The following SETD5 variants were observed in gnomAD, a reference collection of about 807,000 sequenced individuals.
The protein encoded by SETD5 is SET domain containing 5.
Under a neutral mutation model 153.3 loss-of-function variants are expected in SETD5, and 44 were observed. The observed-to-expected ratio is 0.29, with a 90% CI of 0.23 to 0.37. The LOEUF (loss-of-function observed/expected upper bound fraction) is 0.37, where lower values mean the gene tolerates loss of function less well. Among genes scored for constraint, SETD5 ranks in the 10% least tolerant of loss-of-function variants. The pLI is 1.00. For missense variants in SETD5, 1,544 were observed against 1,768.0 expected (o/e 0.87, Z 2.27); for synonymous variants, 716 against 645.2 (o/e 1.11, Z -1.66).
chr3:9,459,204 G>A (rs1239300106), intron 17 of SETD5, among the ~76,000 whole-genome samples: 1 of 152,072 alleles, frequency 6.6e-6, no homozygotes, highest in Non-Finnish European at 1.5e-5. Context: ...TTCAGAAGTT[G>A]AATGAATTGT....
At chr3:9,431,430 A>G (rs560695191) in intron 3 of SETD5, 104 of 965,420 alleles carry the variant, frequency 1.1e-4, no homozygotes, top group Admixed American at 1.8e-4. Flanking sequence ...ATGTAATTCC[A>G]TTATTCCAAA....
In SETD5 at chr3:9,442,140, T is replaced by C; in HGVS notation, c.972T>C (p.Phe324=). The change falls in exon 10 of 23, where the codon TTT becomes TTC. Residue 324 remains phenylalanine (F), a synonymous_variant. Coordinates refer to ENST00000402198, the MANE Select transcript of SETD5 (RefSeq NM_001080517.3). The part of the protein sequence containing the change: ...NGHFFKKPYP[F]VLFYSKFNGV... The stretch of plus-strand genomic sequence containing the variant: ...ATTGTATCCCTAGACCATACCCCTT[T>C]GTGCTCTTCTACTCAAAATTCAATG... 1 of 1,610,782 alleles carries C rather than the reference T, an allele frequency of 6.2e-7. No individual in the cohort carries two copies. The highest frequency in any genetic ancestry group is 1.3e-5 in the African/African-American group (1 of 75,018).
At chr3:9,468,234 C>T (rs2044853489) in intron 18 of SETD5, among the ~76,000 whole-genome samples, 1 of 152,052 alleles carries the variant, frequency 6.6e-6, no homozygotes, top group Non-Finnish European at 1.5e-5. Context: ...TTTCACCAGT[C>T]TAACTCTTTC....
Position 9,446,569 on chromosome 3 carries a change from C to T in SETD5, c.1525-481C>T, listed in dbSNP as rs1316342760. Among the ~76,000 whole-genome samples the T allele has an allele frequency of 2.0e-5, 3 of 151,642 alleles. No individual in the cohort carries two copies. The East Asian group carries it at 5.9e-4, about 30-fold the overall frequency. ...GTGCAGTGGCGCAATCTCAACTCAC[C>T]ACAATCTCTGCCTCCCGGGTTCAAG... On this transcript the variant is annotated intron_variant, in intron 13 of 22. Transcript: ENST00000402198.
intron 1 of SETD5, among the ~76,000 whole-genome samples, chr3:9,403,912 G>A (rs1020320424): frequency 6.6e-6 from 1 of 152,192 alleles, no homozygotes; most frequent in Non-Finnish European, 1.5e-5. Flanking sequence ...AATGTTTTGC[G>A]TCAGTTCTTT....
rs1186127024 is a variant in SETD5 at position 9,476,235 on chromosome 3, C to CT, written c.*146dup. 3 of 1,172,338 alleles carry CT rather than the reference C, an allele frequency of 2.6e-6. No homozygotes were observed. In the Admixed American group the frequency reaches 8.6e-5, roughly 34 times the overall value. The allele number at this position is 1,172,338 out of a possible 1,614,324, so 72.6% of individuals were successfully genotyped here. A position where few individuals can be genotyped will look rare whatever the true frequency, so the allele number is the denominator to read the frequency against. On this transcript the variant is annotated 3_prime_UTR_variant, in exon 23 of 23. Transcript: ENST00000402198. ...TGGGTCTGGTGGACAAGAAACAAGA[C>CT]TTGTGGTCACAATTGGCCTCTGGCC...
At chr3:9,464,824 G>T (rs1263921652) in intron 18 of SETD5, 152 bp downstream of exon 18, 41 of 1,240,554 alleles carry the variant, frequency 3.3e-5, no homozygotes, top group Non-Finnish European at 4.6e-5. Context: ...ATTGTGGCCT[G>T]TTACCTGGTA....
At chr3:9,456,372 G>A (rs1219350272) in intron 17 of SETD5, among the ~76,000 whole-genome samples, 1 of 151,914 alleles carries the variant, frequency 6.6e-6, no homozygotes, top group Non-Finnish European at 1.5e-5. Context: ...TATTTGGGAG[G>A]CTGAGGCAGG....
intron 1 of SETD5, among the ~76,000 whole-genome samples, chr3:9,417,779 C>A (rs1204663530): frequency 6.6e-6 from 1 of 151,096 alleles, no homozygotes; most frequent in Non-Finnish European, 1.5e-5. Context: ...TCCACTGCGC[C>A]TGGCCAAGTC....
At chr3:9,399,072 A>G (rs565853591) in intron 1 of SETD5, among the ~76,000 whole-genome samples, 2 of 152,318 alleles carry the variant, frequency 1.3e-5, no homozygotes, top group South Asian at 4.1e-4. Flanking sequence ...TCCTTCCTGC[A>G]CATAGGTACT....
chr3:9,439,728 G>C (rs192114158), intron 7 of SETD5, among the ~76,000 whole-genome samples: 1 of 152,280 alleles, frequency 6.6e-6, no homozygotes, highest in Admixed American at 6.5e-5. Context: ...TCCTAGAGGA[G>C]TATAGCAAAG....
chr3:9,418,578 A>G (rs1427789817), intron 1 of SETD5, among the ~76,000 whole-genome samples: 1 of 152,018 alleles, frequency 6.6e-6, no homozygotes, highest in Admixed American at 6.5e-5. Context: ...TGAAGCAGGC[A>G]GATCACCTGA....
chr3:9,465,455 A>G (rs1162708775), intron 18 of SETD5, among the ~76,000 whole-genome samples: 1 of 152,166 alleles, frequency 6.6e-6, no homozygotes, highest in South Asian at 2.1e-4. Context: ...TAAAATGGAC[A>G]CTGTCTCTTT....
intron 17 of SETD5, among the ~76,000 whole-genome samples, chr3:9,456,162 C>G (rs972885490): frequency 7.9e-5 from 12 of 152,086 alleles, no homozygotes; most frequent in Non-Finnish European, 1.3e-4. Flanking sequence ...GTCCCCTTTA[C>G]TAACTATATG....
intron 3 of SETD5, chr3:9,429,970 T>G (rs1452187688): frequency 7.9e-7 from 1 of 1,272,618 alleles, no homozygotes; most frequent in Non-Finnish European, 1.0e-6. Context: ...GGGATTAGGG[T>G]CTGGGCTGGA....
intron 1 of SETD5, among the ~76,000 whole-genome samples, chr3:9,419,534 C>T (rs994498408): frequency 6.6e-6 from 1 of 151,928 alleles, no homozygotes; most frequent in Non-Finnish European, 1.5e-5. Flanking sequence ...CCAAAGCACT[C>T]CAACCTGAGT....
At chr3:9,457,505 CTAA>C (rs532554399) in intron 17 of SETD5, among the ~76,000 whole-genome samples, 225 of 150,320 alleles carry the variant, frequency 1.5e-3, no homozygotes, top group African/African-American at 4.0e-3. Flanking sequence ...TATATATATA[CTAA>C]TAATAATAAT....
chr3:9,461,594 G>A (rs1477942310), intron 17 of SETD5, among the ~76,000 whole-genome samples: 1 of 152,134 alleles, frequency 6.6e-6, no homozygotes, highest in African/African-American at 2.4e-5. Flanking sequence ...AGAAAAAGTA[G>A]GCAAATGACT....
intron 3 of SETD5, chr3:9,430,403 T>G: frequency 1.1e-6 from 1 of 940,802 alleles, no homozygotes; most frequent in Middle Eastern, 5.4e-4. Flanking sequence ...AAGGGTTGAT[T>G]TTGTTTCTTC....
Sources: allele counts gnomAD v4.1 joint callset (sites outside exome capture counted in the v4.1 genomes callset), GRCh38; gene constraint gnomAD v4.1.1; transcripts MANE v1.5; gene names NCBI Gene and HGNC (gene_info 2026-07-23, HGNC 2026-07-21).